Variants in NRXN3 observed in about 807,000 individuals in gnomAD.
NRXN3 encodes neurexin 3.
Under a neutral mutation model 137.6 loss-of-function variants are expected in NRXN3, and 32 were observed. The ratio of observed to expected loss-of-function variants is 0.23; its 90% confidence interval spans 0.18 to 0.31. The LOEUF is 0.31. NRXN3 is among the 10% of genes least tolerant of loss of function. NRXN3 has a pLI of 1.00. For missense variants in NRXN3, 1,574 were observed against 2,062.5 expected (o/e 0.76, Z 4.59); for synonymous variants, 798 against 784.5 (o/e 1.02, Z -0.29).
rs1035119462 is a variant in NRXN3 at position 79,297,245 on chromosome 14, G to A, written c.3263-169976G>A. Among the ~76,000 whole-genome samples the A allele has an allele frequency of 1.3e-5, 2 of 152,058 alleles. 1 individual carries two copies. Among genetic ancestry groups the A allele is most frequent in the East Asian group, 3.9e-4 (2 of 5,186 alleles). ...TATACATTTGGTTGTGAGATTATTT[G>A]ATTAATATCCATTTCCTAAGTAGAT... On this transcript the variant is annotated intron_variant, in intron 15 of 20. Transcript: ENST00000335750.
chr14:78,493,394 G>A (rs1040333869), intron 4 of NRXN3, among the ~76,000 whole-genome samples: 8 of 151,016 alleles, frequency 5.3e-5, no homozygotes, highest in African/African-American at 1.7e-4. Flanking sequence ...ATGGTGGCAC[G>A]TGCCTATAAT....
intron 6 of NRXN3, among the ~76,000 whole-genome samples, chr14:78,653,050 G>T (rs1250887072): frequency 6.6e-6 from 1 of 152,188 alleles, no homozygotes; most frequent in East Asian, 1.9e-4. Context: ...GAATTGAGAG[G>T]AAGGGGTAGA....
intron 4 of NRXN3, among the ~76,000 whole-genome samples, chr14:78,469,139 A>C (rs1458505255): frequency 1.3e-5 from 2 of 152,192 alleles, no homozygotes; most frequent in Admixed American, 6.5e-5. Context: ...AGTCTCATCC[A>C]AGGCCAATTA....
intron 15 of NRXN3, among the ~76,000 whole-genome samples, chr14:79,142,538 G>T (rs567223044): frequency 6.6e-6 from 1 of 152,288 alleles, no homozygotes; most frequent in South Asian, 2.1e-4. Flanking sequence ...ATCCAATATG[G>T]TTGAATTGGG....
At chr14:78,340,780 T>G (rs1238662644) in intron 4 of NRXN3, among the ~76,000 whole-genome samples, 3 of 152,186 alleles carry the variant, frequency 2.0e-5, no homozygotes, top group Non-Finnish European at 2.9e-5. Flanking sequence ...AAAGCAAGTC[T>G]AAAGGCCCAG....
chr14:79,701,251 T>C (rs1567937369), intron 19 of NRXN3, among the ~76,000 whole-genome samples: 1 of 152,116 alleles, frequency 6.6e-6, no homozygotes, highest in East Asian at 1.9e-4. Context: ...AGACAAGTCA[T>C]GTAAGTTCTA....
intron 10 of NRXN3, among the ~76,000 whole-genome samples, chr14:78,835,586 T>C (rs215504): frequency 2.0e-5 from 3 of 152,086 alleles, no homozygotes; most frequent in Non-Finnish European, 2.9e-5. Flanking sequence ...GATGAGAAAT[T>C]GTTATATTTC....
At position 79,247,699 on chromosome 14, in the gene NRXN3, G is replaced by A. The variant is rs143436360; in HGVS notation, c.3263-219522G>A. 1.9e-3 allele frequency among the ~76,000 whole-genome samples: 292 copies of A among 152,122 alleles called. 1 individual carries two copies. The highest frequency in any genetic ancestry group is 6.7e-3 in the African/African-American group (278 of 41,478). On this transcript the variant is annotated intron_variant, in intron 15 of 20. Transcript: ENST00000335750. ...TTTCATTGAAATCATTTCCTAGACTGTATACATACACATTATGTATGTAAT... is the reference window on the plus strand; with the variant it reads ...TTTCATTGAAATCATTTCCTAGACTATATACATACACATTATGTATGTAAT...
At chr14:79,700,397 T>A (rs1466671544) in intron 19 of NRXN3, among the ~76,000 whole-genome samples, 2 of 152,106 alleles carry the variant, frequency 1.3e-5, no homozygotes, top group African/African-American at 4.8e-5. Context: ...ATATGTGAAA[T>A]CATACATAGA....
intron 10 of NRXN3, among the ~76,000 whole-genome samples, chr14:78,910,616 TG>T (rs2152778994): frequency 6.6e-6 from 1 of 152,242 alleles, no homozygotes; most frequent in Admixed American, 6.6e-5. Flanking sequence ...CTGCTGGTTC[TG>T]CCCTTGCCCT....
intron 15 of NRXN3, among the ~76,000 whole-genome samples, chr14:79,034,622 T>C (rs564591724): frequency 2.0e-5 from 3 of 152,256 alleles, no homozygotes; most frequent in South Asian, 2.1e-4. Context: ...GGTGTTATGA[T>C]GTCTTGATAA....
At chr14:78,966,745 C>A (rs1026836695) in intron 12 of NRXN3, among the ~76,000 whole-genome samples, 2 of 152,174 alleles carry the variant, frequency 1.3e-5, no homozygotes, top group Admixed American at 6.6e-5. Context: ...TACAACCACC[C>A]AATTTATACC....
chr14:79,414,038 A>G (rs778209975), intron 15 of NRXN3, among the ~76,000 whole-genome samples: 4 of 152,074 alleles, frequency 2.6e-5, no homozygotes, highest in Non-Finnish European at 5.9e-5. Context: ...ATGTATTTCA[A>G]TCAAGAGCTT....
chr14:79,751,903 T>C (rs2098999192), intron 19 of NRXN3, among the ~76,000 whole-genome samples: 1 of 152,156 alleles, frequency 6.6e-6, no homozygotes, highest in Non-Finnish European at 1.5e-5. Flanking sequence ...GAACCAGCCT[T>C]GCATCCCAGG....
intron 15 of NRXN3, among the ~76,000 whole-genome samples, chr14:79,152,494 A>G (rs1302332240): frequency 6.6e-6 from 1 of 152,012 alleles, no homozygotes; most frequent in Non-Finnish European, 1.5e-5. Flanking sequence ...TAATAAAGAC[A>G]TATCCAAAAC....
intron 4 of NRXN3, among the ~76,000 whole-genome samples, chr14:78,317,537 C>T (rs951546917): frequency 2.0e-5 from 3 of 152,202 alleles, no homozygotes; most frequent in Non-Finnish European, 4.4e-5. Flanking sequence ...TGCTTTCCCC[C>T]TGCCACTCCA....
rs372138205 is a variant in NRXN3 at position 79,514,492 on chromosome 14, T to C, written c.3444+47090T>C. The stretch of plus-strand genomic sequence containing the variant: ...ATCCTGCTCTACAGCAGATGCTTCC[T>C]CAGAGAAAGAAATACCTCGAACATC... On this transcript the variant is annotated intron_variant, in intron 16 of 20. Coordinates refer to ENST00000335750, the MANE Select transcript of NRXN3 (RefSeq NM_001330195.2). 1.9e-4 allele frequency among the ~76,000 whole-genome samples: 29 copies of C among 152,310 alleles called. 2 individuals carry two copies. The East Asian group carries it at 3.1e-3, about 16-fold the overall frequency.
At chr14:78,866,686 G>GATGATAAAAATAT (rs1480069642) in intron 10 of NRXN3, among the ~76,000 whole-genome samples, 1 of 151,140 alleles carries the variant, frequency 6.6e-6, no homozygotes, top group African/African-American at 2.4e-5. Context: ...GGTTATCCTT[G>GATGATAAAAATAT]TATGATCAAA....
intron 4 of NRXN3, among the ~76,000 whole-genome samples, chr14:78,310,313 G>A (rs138070487): frequency 7.5e-6 from 1 of 132,514 alleles, no homozygotes; most frequent in East Asian, 2.2e-4. Context: ...TGAAGGAATT[G>A]CTTTCTGGTA....
Sources: gnomAD v4.1 joint callset for allele counts (sites outside exome capture counted in the v4.1 genomes callset) on GRCh38, gnomAD v4.1.1 for gene constraint, MANE v1.5 for transcripts, NCBI Gene and HGNC (gene_info 2026-07-23, HGNC 2026-07-21) for gene names.